CUL3: variants seen among roughly 807,000 people sequenced by gnomAD.
The protein encoded by CUL3 is cullin 3.
A neutral mutation model predicts 89.1 loss-of-function variants in CUL3; 19 were observed. The ratio of observed to expected loss-of-function variants is 0.21; its 90% CI spans 0.15 to 0.31. The LOEUF (loss-of-function observed/expected upper bound fraction) is 0.31, where lower values mean the gene tolerates loss of function less well. Ranked by LOEUF, CUL3 falls within the 10% of genes least tolerant of loss-of-function variation. The pLI, the probability that CUL3 is intolerant of heterozygous loss-of-function variation, is 1.00. For synonymous variants in CUL3, 351 were observed against 308.4 expected (o/e 1.14, Z -1.45); for missense variants, 469 against 942.3 (o/e 0.50, Z 6.58).
chr2:224,503,466 ACT>A (rs1426202629), intron 9 of CUL3, among the ~76,000 whole-genome samples, 184 bp downstream of exon 9: 2 of 152,210 alleles, frequency 1.3e-5, no homozygotes, highest in East Asian at 3.9e-4. Flanking sequence ...ATTCCAGCAA[ACT>A]CTGAATGTCC....
At chr2:224,531,088 CTT>C (rs36035608) in intron 3 of CUL3, among the ~76,000 whole-genome samples, 130 of 136,948 alleles carry the variant, frequency 9.5e-4, no homozygotes, top group Middle Eastern at 3.8e-3. Context: ...CTAAAATAGC[CTT>C]TTTTTTTTTT....
chr2:224,555,105 G>A lies in CUL3; in HGVS notation c.264+2554C>T, dbSNP rs114606782. On this transcript the variant is annotated intron_variant, in intron 2 of 15. Transcript: ENST00000264414. ...TAAATCTATGTGTCTCCAAACATAC[G>A]ATATCTCTACTTGGGCATCTTACTA... Among the ~76,000 whole-genome samples, 477 of 152,124 alleles carry A rather than the reference G, an allele frequency of 3.1e-3. 5 individuals are homozygous for A. Among genetic ancestry groups the A allele is most frequent in the Middle Eastern group, 0.01 (3 of 294 alleles).
chr2:224,548,488 T>C (rs1285964983), intron 2 of CUL3, among the ~76,000 whole-genome samples: 1 of 152,228 alleles, frequency 6.6e-6, no homozygotes, highest in East Asian at 1.9e-4. Flanking sequence ...ATGTTAACTT[T>C]TTTTTGTTCA....
chr2:224,540,607 G>C (rs1443514124), intron 2 of CUL3, among the ~76,000 whole-genome samples: 2 of 152,236 alleles, frequency 1.3e-5, no homozygotes, highest in East Asian at 3.9e-4. Flanking sequence ...TCCCTTTGCA[G>C]AACTTCTTCA....
chr2:224,578,431 A>C (rs1402247780), intron 1 of CUL3, among the ~76,000 whole-genome samples: 1 of 152,150 alleles, frequency 6.6e-6, no homozygotes. Context: ...TGAAAATGTT[A>C]ATGTTGTTTG....
At chr2:224,544,268 G>C (rs1160718232) in intron 2 of CUL3, among the ~76,000 whole-genome samples, 1 of 152,060 alleles carries the variant, frequency 6.6e-6, no homozygotes, top group African/African-American at 2.4e-5. Flanking sequence ...TTTTTAAATT[G>C]GGGCTTCTAT....
intron 2 of CUL3, among the ~76,000 whole-genome samples, chr2:224,553,087 T>C (rs1310285527): frequency 6.6e-6 from 1 of 152,082 alleles, no homozygotes; most frequent in Non-Finnish European, 1.5e-5. Flanking sequence ...GAAACAAACA[T>C]GTCAGAGGTC....
chr2:224,490,121 C>T (rs928563795), intron 13 of CUL3, among the ~76,000 whole-genome samples: 11 of 152,162 alleles, frequency 7.2e-5, no homozygotes, highest in Non-Finnish European at 1.6e-4. Flanking sequence ...CTGGTCATTA[C>T]GGAAATGCAA....
intron 6 of CUL3, among the ~76,000 whole-genome samples, chr2:224,508,687 C>T (rs1050444966): frequency 1.3e-5 from 2 of 152,216 alleles, no homozygotes; most frequent in African/African-American, 4.8e-5. Context: ...TGGCGAGACA[C>T]GGTGGCTCAC....
chr2:224,500,321 A>G, intron 11 of CUL3, 42 bp downstream of exon 11: 1 of 1,599,316 alleles, frequency 6.3e-7, no homozygotes, highest in Non-Finnish European at 8.6e-7. Flanking sequence ...AATTTTGAAC[A>G]CTTACTTGTA....
At chr2:224,532,545 C>G (rs1037304788) in intron 3 of CUL3, among the ~76,000 whole-genome samples, 10 of 150,912 alleles carry the variant, frequency 6.6e-5, no homozygotes, top group African/African-American at 2.2e-4. Context: ...CTAGTAAGGG[C>G]AAAACTTAAC....
Position 224,567,449 on chromosome 2 carries a change from C to T in CUL3, c.67-9593G>A, listed in dbSNP as rs1197652881. Among the ~76,000 whole-genome samples the T allele has an allele frequency of 2.0e-5, 3 of 152,000 alleles. No individual in the cohort carries two copies. The East Asian group carries it at 5.8e-4, about 29-fold the overall frequency. ...GTTGCCCAGGGTGGTGTTAAAACTT[C>T]TAGGCTTCGGCCGGGCACGGTGGCT... On this transcript the variant is annotated intron_variant, in intron 1 of 15. Transcript: ENST00000264414.
Position 224,503,723 on chromosome 2 carries a change from A to G in CUL3, c.1306T>C (p.Leu436=). 6.2e-7 allele frequency: 1 copy of G among 1,608,204 alleles called. No homozygotes were observed. Among genetic ancestry groups the G allele is most frequent in the Non-Finnish European group, 8.5e-7 (1 of 1,178,488 alleles). The change falls in exon 9 of 16, where the codon TTG becomes CTG. Residue 436 remains leucine (L), a synonymous_variant. Coordinates refer to ENST00000264414, the MANE Select transcript of CUL3 (RefSeq NM_003590.5). ...DVFERYYKQH[L]ARRLLTNKSV... is the part of the protein sequence containing the mutation. ...TTATTTGTGAGAAGTCTCCTTGCCA[A>G]GTGTTGTTTATAATAACGTTCAAAT...
chr2:224,477,197 C>T (rs541269276), intron 15 of CUL3, among the ~76,000 whole-genome samples: 2 of 152,258 alleles, frequency 1.3e-5, no homozygotes, highest in South Asian at 2.1e-4. Flanking sequence ...ACCTACAGCT[C>T]GTGTTAAAAA....
intron 13 of CUL3, among the ~76,000 whole-genome samples, chr2:224,494,199 T>C (rs1692083516): frequency 6.6e-6 from 1 of 152,196 alleles, no homozygotes; most frequent in Non-Finnish European, 1.5e-5. Flanking sequence ...GCCTAGAACT[T>C]GCTCTTAATT....
Position 224,474,149 on chromosome 2 carries a change from G to C in CUL3, c.*96C>G, listed in dbSNP as rs1362578549. The C allele has an allele frequency of 7.8e-7, 1 of 1,275,810 alleles. No homozygotes were observed. Among genetic ancestry groups the C allele is most frequent in the African/African-American group, 1.5e-5 (1 of 66,810 alleles). 79.0% of individuals were successfully genotyped at this position (1,275,810 alleles called of 1,614,324 possible). A position where few individuals can be genotyped will look rare whatever the true frequency, so the allele number is the denominator to read the frequency against. On this transcript the variant is annotated 3_prime_UTR_variant, in exon 16 of 16. Transcript: ENST00000264414. Reference sequence around the variant, plus strand: ...CTAGAACATGTACTGTAATTTAATAGAAGAGATGGTCGTCTTAATATTTAA... The same window carrying C: ...CTAGAACATGTACTGTAATTTAATACAAGAGATGGTCGTCTTAATATTTAA...
chr2:224,493,249 T>C (rs906005243), intron 13 of CUL3, among the ~76,000 whole-genome samples: 6 of 152,250 alleles, frequency 3.9e-5, no homozygotes, highest in Non-Finnish European at 8.8e-5. Flanking sequence ...TCACACAGAA[T>C]ATTCAAAAAT....
chr2:224,491,778 A>G (rs1691992331), intron 13 of CUL3, among the ~76,000 whole-genome samples: 1 of 152,220 alleles, frequency 6.6e-6, no homozygotes, highest in South Asian at 2.1e-4. Flanking sequence ...AGGAATGAGG[A>G]CTGGCTTTTA....
chr2:224,535,632 C>G lies in CUL3; in HGVS notation c.274G>C (p.Asp92His), dbSNP rs2106264590. ...TTGTTATTCAATGAATTTAGTACAT[C>G]TTCTCGCACCTAGTAACAGAAGAGT... Reference protein sequence around the residue: ...TEHLINKVREDVLNSLNNNFL... With the variant: ...TEHLINKVREHVLNSLNNNFL... The change falls in exon 3 of 16, where the codon GAT becomes CAT. Residue 92 changes from aspartate (D) to histidine (H), a missense_variant. By Grantham distance (81) the Asp-to-His change is moderately conservative. Coordinates refer to ENST00000264414, the MANE Select transcript of CUL3 (RefSeq NM_003590.5). The G allele has an allele frequency of 6.2e-7, 1 of 1,609,508 alleles. No homozygotes were observed. The highest frequency in any genetic ancestry group is 8.5e-7 in the Non-Finnish European group (1 of 1,175,920).
Sources: allele counts gnomAD v4.1 joint callset (sites outside exome capture counted in the v4.1 genomes callset), GRCh38; gene constraint gnomAD v4.1.1; transcripts MANE v1.5; gene names NCBI Gene and HGNC (gene_info 2026-07-23, HGNC 2026-07-21).